The following ABCA12 variants were observed in gnomAD, a reference collection of about 807,000 sequenced individuals.
ABCA12 encodes the protein glucosylceramide transporter ABCA12.
ABCA12 carries 156 observed loss-of-function variants against 293.5 expected under a neutral mutation model. That is an observed-to-expected ratio of 0.53 (90% CI 0.47 to 0.61). The LOEUF is 0.61. ABCA12 is among the 20% of genes least tolerant of loss of function. The pLI is 0.00. For missense variants in ABCA12, 2,797 were observed against 3,090.2 expected, an observed-to-expected ratio of 0.91 and a Z score of 2.25; for synonymous variants, 1,063 against 1,108.0, an observed-to-expected ratio of 0.96 and a Z score of 0.81.
At chr2:215,111,052 G>A (rs559424633) in intron 2 of ABCA12, among the ~76,000 whole-genome samples, 55 of 152,246 alleles carry the variant, frequency 3.6e-4, no homozygotes, top group Middle Eastern at 3.4e-3. Context: ...ACGGAGTGTC[G>A]GGCATTCTGC....
intron 4 of ABCA12, among the ~76,000 whole-genome samples, chr2:215,053,634 T>A (rs988624112): frequency 2.0e-5 from 3 of 148,842 alleles, no homozygotes; most frequent in Non-Finnish European, 4.5e-5. Context: ...AACATAGGAC[T>A]TTTTTTTTTA....
chr2:215,116,285 T>G (rs1474363751), intron 1 of ABCA12, among the ~76,000 whole-genome samples: 1 of 152,238 alleles, frequency 6.6e-6, no homozygotes. Context: ...CTAGCTTCTT[T>G]TAGTAGACAA....
chr2:214,966,318 T>C lies in ABCA12; in HGVS notation c.5884+530A>G, dbSNP rs569757770. Among the ~76,000 whole-genome samples the C allele has an allele frequency of 3.9e-5, 6 of 152,246 alleles. No homozygotes were observed. In the East Asian group the frequency reaches 5.8e-4, roughly 15 times the overall value. On this transcript the variant is annotated intron_variant, in intron 39 of 52. Coordinates refer to ENST00000272895, the MANE Select transcript of ABCA12 (RefSeq NM_173076.3). ...TTAATACCTAGGTGATGCGTTGATA[T>C]GTGCAGCAAACCACCATGGCACATG...
intron 7 of ABCA12, among the ~76,000 whole-genome samples, chr2:215,041,250 T>C (rs1701094103): frequency 6.6e-6 from 1 of 151,890 alleles, no homozygotes; most frequent in Non-Finnish European, 1.5e-5. Context: ...AGATAAAAAA[T>C]TTACCAAAAG....
chr2:215,070,750 A>G (rs1701721279), intron 2 of ABCA12, among the ~76,000 whole-genome samples: 1 of 152,108 alleles, frequency 6.6e-6, no homozygotes. Flanking sequence ...AAGAGAGAGT[A>G]TGTGAATCTG....
chr2:215,094,238 A>G (rs1405244294), intron 2 of ABCA12, among the ~76,000 whole-genome samples: 1 of 152,174 alleles, frequency 6.6e-6, no homozygotes. Context: ...TTTAATTAAA[A>G]ACTCTTCTCA....
chr2:215,060,158 T>A (rs1005247128), intron 3 of ABCA12, among the ~76,000 whole-genome samples: 1 of 152,074 alleles, frequency 6.6e-6, no homozygotes, highest in Non-Finnish European at 1.5e-5. Flanking sequence ...ACAGTGACAC[T>A]TAAACAGACA....
chr2:214,978,938 CT>C lies in ABCA12; in HGVS notation c.4842del (p.Glu1615SerfsTer48). 1 of 1,614,092 alleles carries C rather than the reference CT, an allele frequency of 6.2e-7. No individual in the cohort carries two copies. Among genetic ancestry groups the C allele is most frequent in the South Asian group, 1.1e-5 (1 of 91,080 alleles). On this transcript the variant is annotated frameshift_variant, in exon 32 of 53. Transcript: ENST00000272895. LOFTEE classifies it high-confidence loss of function. Reference protein sequence around the residue: ...PEAYLKEDIGGELVYVLPPFS... With the variant: ...PEAYLKEDIGXELVYVLPPFS... ...AATGGAGGAAGTACATAAACAAGCT[CT>C]CCCCCAATATCCTCCTTGAGGTAGG...
chr2:215,017,958 T>C (rs373696443), intron 14 of ABCA12, 50 bp downstream of exon 14: 149 of 1,612,670 alleles, frequency 9.2e-5, no homozygotes, highest in Non-Finnish European at 1.2e-4. Context: ...TGCTAAATGC[T>C]ATTTAAATTT....
At chr2:215,017,092 A>C (rs912330841) in intron 14 of ABCA12, among the ~76,000 whole-genome samples, 3 of 152,250 alleles carry the variant, frequency 2.0e-5, no homozygotes, top group African/African-American at 7.2e-5. Context: ...AAGCTGTTTT[A>C]ATTTTTGTAT....
At chr2:215,038,314 T>C (rs1334142867) in intron 7 of ABCA12, among the ~76,000 whole-genome samples, 1 of 152,206 alleles carries the variant, frequency 6.6e-6, no homozygotes, top group Admixed American at 6.5e-5. Flanking sequence ...AAAAGTTAAG[T>C]AACTAAATAA....
chr2:215,047,440 G>A (rs1166789369), intron 6 of ABCA12, among the ~76,000 whole-genome samples: 2 of 152,138 alleles, frequency 1.3e-5, no homozygotes, highest in Non-Finnish European at 1.5e-5. Context: ...CAGACACATA[G>A]ACCAATGGAA....
chr2:214,951,865 ATTGTT>A (rs1458825664), intron 44 of ABCA12, among the ~76,000 whole-genome samples: 1 of 152,184 alleles, frequency 6.6e-6, no homozygotes, highest in Non-Finnish European at 1.5e-5. Flanking sequence ...ATAATACAGT[ATTGTT>A]AACTATAGGC....
At chr2:215,017,353 T>C (rs1167005951) in intron 14 of ABCA12, among the ~76,000 whole-genome samples, 1 of 152,192 alleles carries the variant, frequency 6.6e-6, no homozygotes, top group African/African-American at 2.4e-5. Context: ...GAAAACCCTA[T>C]TACCAGCATA....
At chr2:215,127,308 C>T (rs1702947925) in intron 1 of ABCA12, among the ~76,000 whole-genome samples, 1 of 152,120 alleles carries the variant, frequency 6.6e-6, no homozygotes, top group African/African-American at 2.4e-5. Context: ...CTGTTAAGTT[C>T]ATTTGTTCCA....
chr2:215,010,684 C>T (rs942398896), intron 17 of ABCA12, among the ~76,000 whole-genome samples: 12 of 152,038 alleles, frequency 7.9e-5, no homozygotes, highest in Admixed American at 7.2e-4. Context: ...TAAGCAAGCC[C>T]AGAGTAAGTG....
At chr2:214,949,273 T>C (rs1698675953) in intron 45 of ABCA12, 124 bp from the exon 46 acceptor site, 2 of 758,968 alleles carry the variant, frequency 2.6e-6, no homozygotes, top group Admixed American at 4.0e-5. Flanking sequence ...TCTGGAATTA[T>C]TCATGGATAG....
intron 2 of ABCA12, among the ~76,000 whole-genome samples, chr2:215,073,719 G>A (rs908207972): frequency 1.3e-5 from 2 of 152,228 alleles, no homozygotes; most frequent in Admixed American, 1.3e-4. Context: ...GGGAAGTGCT[G>A]TGCTCATAGT....
intron 2 of ABCA12, among the ~76,000 whole-genome samples, chr2:215,078,992 T>C (rs1168671219): frequency 6.6e-6 from 1 of 152,192 alleles, no homozygotes; most frequent in Non-Finnish European, 1.5e-5. Context: ...ACATGGTATA[T>C]TTTGCCTCTT....
Sources: allele counts gnomAD v4.1 joint callset (sites outside exome capture counted in the v4.1 genomes callset), GRCh38; gene constraint gnomAD v4.1.1; transcripts MANE v1.5; gene names NCBI Gene and HGNC (gene_info 2026-07-23, HGNC 2026-07-21).